DACH2: variants seen among roughly 807,000 people sequenced by gnomAD.
DACH2 encodes dachshund family transcription factor 2, also known as dachshund homolog 2.
In DACH2, 17 loss-of-function variants were observed where a neutral mutation model predicts 35.8. That is an observed-to-expected ratio of 0.48 (90% CI 0.33 to 0.71). The LOEUF (loss-of-function observed/expected upper bound fraction) is 0.71. DACH2 is among the 30% of genes least tolerant of loss of function. The probability of loss-of-function intolerance (pLI) is 0.02; values close to 1 mark genes in which losing one functional copy is unlikely to be tolerated. For missense variants in DACH2, 469 were observed against 472.7 expected (o/e 0.99, Z 0.07); for synonymous variants, 195 against 177.3 (o/e 1.10, Z -0.79).
chrX:86,775,084 T>C (rs1342220169), intron 7 of DACH2, among the ~76,000 whole-genome samples: 1 of 111,712 alleles, frequency 9.0e-6, no homozygotes, highest in East Asian at 2.8e-4. Context: ...GAAAAGTGAA[T>C]GTCACAAAGC....
chrX:86,704,658 A>G (rs918863227), intron 5 of DACH2, among the ~76,000 whole-genome samples: 1 of 111,774 alleles, frequency 8.9e-6, no homozygotes, highest in Non-Finnish European at 1.9e-5. Context: ...ACTTATCAAA[A>G]GAAGATATAC....
chrX:86,245,513 A>T (rs1382465624), intron 1 of DACH2, among the ~76,000 whole-genome samples: 1 of 111,779 alleles, frequency 8.9e-6, no homozygotes, highest in Non-Finnish European at 1.9e-5. Flanking sequence ...GAACAAATTC[A>T]TGGGCCTGGT....
At chrX:86,452,138 G>C (rs940802335) in intron 2 of DACH2, among the ~76,000 whole-genome samples, 1 of 111,741 alleles carries the variant, frequency 8.9e-6, no homozygotes, top group African/African-American at 3.2e-5. Context: ...TTATTGATTT[G>C]CATATGTGAA....
At chrX:86,175,985 A>G (rs1232721009) in intron 1 of DACH2, among the ~76,000 whole-genome samples, 1 of 111,564 alleles carries the variant, frequency 9.0e-6, no homozygotes, top group African/African-American at 3.3e-5. Context: ...CGTGGTCATA[A>G]ATTCAAAATG....
At chrX:86,629,170 T>A (rs2040170427) in intron 3 of DACH2, among the ~76,000 whole-genome samples, 1 of 111,582 alleles carries the variant, frequency 9.0e-6, no homozygotes, top group Non-Finnish European at 1.9e-5. Context: ...TCAGGTAGTC[T>A]TCCTGCATTT....
chrX:86,787,398 T>A (rs1255158326), intron 7 of DACH2, among the ~76,000 whole-genome samples: 3 of 110,946 alleles, frequency 2.7e-5, no homozygotes, highest in African/African-American at 9.8e-5. Context: ...GGAGGTTGGA[T>A]CACCTGAGGA....
chrX:86,525,380 T>C (rs2038616383), intron 3 of DACH2, among the ~76,000 whole-genome samples: 1 of 111,855 alleles, frequency 8.9e-6, no homozygotes, highest in African/African-American at 3.2e-5. Flanking sequence ...TTTAATTTTC[T>C]TTTTTGCTCC....
chrX:86,350,313 T>C (rs1233887119), intron 1 of DACH2, among the ~76,000 whole-genome samples: 1 of 24,622 alleles, frequency 4.1e-5, no homozygotes, highest in Non-Finnish European at 6.3e-5. Flanking sequence ...TTTTCTCCCA[T>C]GTTGTAGGTT....
At chrX:86,811,246 G>A (rs765154308) in intron 7 of DACH2, among the ~76,000 whole-genome samples, 2 of 111,677 alleles carry the variant, frequency 1.8e-5, no homozygotes, top group East Asian at 5.6e-4. Context: ...TTCAGAGATA[G>A]TACTAAATAA....
chrX:86,591,241 G>A (rs1225287710), intron 3 of DACH2, among the ~76,000 whole-genome samples: 1 of 111,611 alleles, frequency 9.0e-6, no homozygotes, highest in Non-Finnish European at 1.9e-5. Context: ...ATTTGGGTTG[G>A]TTCCAAGTCT....
intron 4 of DACH2, among the ~76,000 whole-genome samples, chrX:86,662,399 C>G (rs952222851): frequency 9.0e-6 from 1 of 111,419 alleles, no homozygotes; most frequent in Non-Finnish European, 1.9e-5. Flanking sequence ...CGAGATCATC[C>G]TGGCTAACAC....
At chrX:86,769,207 G>A (rs1222217585) in intron 7 of DACH2, among the ~76,000 whole-genome samples, 1 of 111,492 alleles carries the variant, frequency 9.0e-6, no homozygotes, top group African/African-American at 3.3e-5. Flanking sequence ...CAACAAAATA[G>A]ATATCTAGGA....
chrX:86,779,998 G>A (rs1250591344), intron 7 of DACH2, among the ~76,000 whole-genome samples: 1 of 110,097 alleles, frequency 9.1e-6, no homozygotes, highest in African/African-American at 3.3e-5. Flanking sequence ...ACCTTGAGAG[G>A]CCAGAAAACA....
intron 3 of DACH2, among the ~76,000 whole-genome samples, chrX:86,648,712 C>T (rs1270254427): frequency 9.0e-6 from 1 of 110,517 alleles, no homozygotes; most frequent in Non-Finnish European, 1.9e-5. Flanking sequence ...GCTCCAAGCT[C>T]ATCAAGTTGT....
At chrX:86,325,367 A>G (rs2035095982) in intron 1 of DACH2, among the ~76,000 whole-genome samples, 2 of 111,622 alleles carry the variant, frequency 1.8e-5, no homozygotes, top group African/African-American at 6.5e-5. Flanking sequence ...AGAGAGAGAG[A>G]GAGAGGAAAA....
intron 1 of DACH2, among the ~76,000 whole-genome samples, chrX:86,335,685 A>G (rs1391075982): frequency 8.9e-6 from 1 of 111,868 alleles, no homozygotes; most frequent in Non-Finnish European, 1.9e-5. Flanking sequence ...GCAATCATGT[A>G]TTCTGCAAAC....
chrX:86,182,543 A>G (rs2031531208), intron 1 of DACH2, among the ~76,000 whole-genome samples: 1 of 111,780 alleles, frequency 8.9e-6, no homozygotes, highest in Non-Finnish European at 1.9e-5. Flanking sequence ...CCGTTGGTCT[A>G]CATATCTGTT....
chrX:86,413,411 T>G (rs2036647797), intron 2 of DACH2, among the ~76,000 whole-genome samples: 2 of 112,053 alleles, frequency 1.8e-5, no homozygotes, highest in African/African-American at 3.2e-5. Context: ...AAACCAGGTG[T>G]CAGGAGATGT....
At chrX:86,157,476 T>C (rs892116867) in intron 1 of DACH2, among the ~76,000 whole-genome samples, 2 of 111,703 alleles carry the variant, frequency 1.8e-5, no homozygotes, top group African/African-American at 6.5e-5. Context: ...TTGCCATTGA[T>C]CTAGTTTTAT....
Sources: gnomAD v4.1 joint callset for allele counts (sites outside exome capture counted in the v4.1 genomes callset) on GRCh38, gnomAD v4.1.1 for gene constraint, MANE v1.5 for transcripts, NCBI Gene and HGNC (gene_info 2026-07-23, HGNC 2026-07-21) for gene names.